RET: variants seen among roughly 807,000 people sequenced by gnomAD.
RET encodes proto-oncogene tyrosine-protein kinase receptor Ret.
RET carries 19 observed loss-of-function variants against 118.3 expected under a neutral mutation model. That is an observed-to-expected ratio of 0.16 (90% CI 0.11 to 0.24). The LOEUF is 0.24. Among genes scored for constraint, RET ranks in the 10% least tolerant of loss-of-function variants. The pLI, the probability that RET is intolerant of heterozygous loss-of-function variation, is 1.00. For missense variants in RET, 1,219 were observed against 1,502.1 expected, an observed-to-expected ratio of 0.81 and a Z score of 3.12; for synonymous variants, 597 against 644.1, an observed-to-expected ratio of 0.93 and a Z score of 1.11.
intron 1 of RET, among the ~76,000 whole-genome samples, chr10:43,085,534 G>A (rs749463249): frequency 4.6e-5 from 7 of 152,150 alleles, no homozygotes; most frequent in African/African-American, 9.7e-5. Context: ...TCTGCCCCTC[G>A]GCCCCTGGTC....
At chr10:43,103,024 A>G (rs541972416) in intron 3 of RET, among the ~76,000 whole-genome samples, 4 of 143,228 alleles carry the variant, frequency 2.8e-5, no homozygotes, top group Non-Finnish European at 4.6e-5. Flanking sequence ...GGTGGGGGCT[A>G]GCAGAGCAAA....
rs1295399603 is a variant in RET, at chr10:43,116,517, T to TGC, written c.2137-67_2137-66insGC. Reference sequence around the variant, plus strand: ...TGGGGCCTCCTTTAAGGGTCTTGCCTTCTTCCTCCCCTGTCATCCTCACAC... The same window carrying TGC: ...TGGGGCCTCCTTTAAGGGTCTTGCCTGCTCTTCCTCCCCTGTCATCCTCACAC... On this transcript the variant is annotated intron_variant, in intron 11 of 19. Transcript: ENST00000355710. The TGC allele has an allele frequency of 1.9e-6, 3 of 1,594,404 alleles. No homozygotes were observed. The African/African-American group carries it at 4.0e-5, about 21-fold the overall frequency.
chr10:43,100,123 C>T (rs1837604466), intron 1 of RET, among the ~76,000 whole-genome samples: 1 of 152,204 alleles, frequency 6.6e-6, no homozygotes, highest in African/African-American at 2.4e-5. Context: ...TTGCCTGCCC[C>T]ACATGGGTGG....
chr10:43,097,271 C>T (rs1051525021), intron 1 of RET, among the ~76,000 whole-genome samples: 31 of 152,192 alleles, frequency 2.0e-4, no homozygotes, highest in African/African-American at 6.8e-4. Flanking sequence ...ACTGGATCTG[C>T]TCCTGCGACA....
Position 43,130,078 on chromosome 10 carries a change from T to G in RET, c.*1809T>G, listed in dbSNP as rs1263047788. ...ACAGCTGACCCAGTGATGGGGAATT[T>G]ATCCTTGACCAATTTATCCTTGACC... On this transcript the variant is annotated 3_prime_UTR_variant, in exon 20 of 20. Transcript: ENST00000355710. 5.0e-6 allele frequency: 2 copies of G among 397,484 alleles called. No homozygotes were observed. The highest frequency in any genetic ancestry group is 8.9e-6 in the Non-Finnish European group (2 of 225,636). The allele number at this position is 397,484 out of a possible 1,614,324, so 24.6% of individuals were successfully genotyped here. A position where few individuals can be genotyped will look rare whatever the true frequency, so the allele number is the denominator to read the frequency against.
intron 12 of RET, 145 bp downstream of exon 12, chr10:43,116,876 C>T: frequency 1.1e-6 from 1 of 950,272 alleles, no homozygotes; most frequent in Admixed American, 2.5e-5. Flanking sequence ...TACCATGGGC[C>T]ACTTGGGCCT....
rs561948584 is a variant in RET, at chr10:43,123,071, CTGGTGTGCTCCG to C, written c.2802-591_2802-580del. Among the ~76,000 whole-genome samples the C allele has an allele frequency of 1.4e-4, 21 of 152,356 alleles. No homozygotes were observed. The South Asian group carries it at 4.1e-3, about 30-fold the overall frequency. On this transcript the variant is annotated intron_variant, in intron 16 of 19. Transcript: ENST00000355710. ...CCGCCCAGTGACCTCTGGCTGCCCTCTGGTGTGCTCCGTGGTGTGCACATGTATGCTTTTTAT... is the reference window on the plus strand; with the variant it reads ...CCGCCCAGTGACCTCTGGCTGCCCTCTGGTGTGCACATGTATGCTTTTTAT...
In RET at chr10:43,128,730, T is replaced by G; in HGVS notation, c.*461T>G. ...GCAGTAGGAAAAATGCTGGCCCTGA[T>G]GACCTGTCCTTATTCAGAATGAGAG... is the stretch of plus-strand genomic sequence containing the variant. On this transcript the variant is annotated 3_prime_UTR_variant, in exon 20 of 20. Transcript: ENST00000355710. 2.7e-6 allele frequency: 1 copy of G among 365,806 alleles called. No homozygotes were observed. The highest frequency in any genetic ancestry group is 5.1e-6 in the Non-Finnish European group (1 of 195,298). The allele number at this position is 365,806 out of a possible 1,614,324, so 22.7% of individuals were successfully genotyped here. A position where few individuals can be genotyped will look rare whatever the true frequency, so the allele number is the denominator to read the frequency against.
intron 1 of RET, among the ~76,000 whole-genome samples, chr10:43,091,940 C>A (rs1460993688): frequency 2.0e-5 from 3 of 151,972 alleles, no homozygotes; most frequent in South Asian, 2.1e-4. Context: ...GAAGGCTCCT[C>A]AAAGGTTAAA....
intron 1 of RET, among the ~76,000 whole-genome samples, chr10:43,090,415 ACAGAAGGCAGTTGAGACTGGGCCGCT>A (rs1363750038): frequency 2.0e-5 from 3 of 152,144 alleles, no homozygotes; most frequent in Non-Finnish European, 4.4e-5. Flanking sequence ...GGGCTCTGTG[ACAGAAGGCAGTTGAGACTGGGCCGCT>A]TCTGGGCGCT....
Position 43,114,803 on chromosome 10 carries a change from A to G in RET, c.2136+67A>G. The stretch of plus-strand genomic sequence containing the variant: ...CAGCTGCCTTCCAGGGAGGGAGGCC[A>G]GCTGGGGAGACAGAGGCCATCCTGT... On this transcript the variant is annotated intron_variant, in intron 11 of 19. Transcript: ENST00000355710. This position sits in a 1 kb window ranked among gnomAD's most constrained non-coding sequence, Gnocchi z 4.6. The G allele has an allele frequency of 6.6e-7, 1 of 1,510,560 alleles. No individual in the cohort carries two copies. Among genetic ancestry groups the G allele is most frequent in the Non-Finnish European group, 8.9e-7 (1 of 1,126,724 alleles). 93.6% of individuals were successfully genotyped at this position (1,510,560 alleles called of 1,614,324 possible).
intron 1 of RET, among the ~76,000 whole-genome samples, chr10:43,088,045 G>T (rs537419733): frequency 2.8e-4 from 42 of 149,562 alleles, no homozygotes; most frequent in South Asian, 1.3e-3. Flanking sequence ...GGTGGTTGTG[G>T]TGGTGGTGGT....
chr10:43,116,795 C>T lies in RET; in HGVS notation c.2284+64C>T. 9.0e-6 allele frequency: 14 copies of T among 1,563,380 alleles called. No homozygotes were observed. In the South Asian group the frequency reaches 1.6e-4, roughly 18 times the overall value. On this transcript the variant is annotated intron_variant, in intron 12 of 19. Transcript: ENST00000355710. ...CTCCGGGGCGGGGGGCGGGTGAGGCCCCTCCTGCCCAGCATGGGACCCTGA... is the reference window on the plus strand; with the variant it reads ...CTCCGGGGCGGGGGGCGGGTGAGGCTCCTCCTGCCCAGCATGGGACCCTGA...
At position 43,128,395 on chromosome 10, in the gene RET, C is replaced by T. The variant is rs574541792; in HGVS notation, c.*126C>T. On this transcript the variant is annotated 3_prime_UTR_variant, in exon 20 of 20. Transcript: ENST00000355710. ...GTGTTCAGTTCCCAGGTGGCAGACT[C>T]GTTTTTGGTAGTTTGTTTTAACTTC... is the stretch of plus-strand genomic sequence containing the variant. The T allele has an allele frequency of 7.9e-6, 9 of 1,134,926 alleles. No individual in the cohort carries two copies. Among genetic ancestry groups the T allele is most frequent in the East Asian group, 4.9e-5 (2 of 41,058 alleles). 70.3% of individuals were successfully genotyped at this position (1,134,926 alleles called of 1,614,324 possible).
intron 1 of RET, among the ~76,000 whole-genome samples, chr10:43,080,435 T>C (rs1864408): frequency 0.79 from 120,772 of 152,282 alleles, 48,950 homozygotes; most frequent in African/African-American, 0.95. Context: ...AGGGTCATGG[T>C]CTTGGCCCAT....
intron 1 of RET, among the ~76,000 whole-genome samples, chr10:43,084,297 C>T (rs999867586): frequency 1.3e-5 from 2 of 152,230 alleles, no homozygotes; most frequent in Non-Finnish European, 2.9e-5. Flanking sequence ...AACTGTTTTC[C>T]ACAGTGGTTG....
intron 1 of RET, among the ~76,000 whole-genome samples, chr10:43,093,126 G>C (rs7393733): frequency 0.37 from 56,263 of 152,058 alleles, 11,483 homozygotes; most frequent in African/African-American, 0.55. Context: ...GTAAGAGTGA[G>C]GAGGAAGTGA....
intron 17 of RET, 111 bp downstream of exon 17, chr10:43,123,919 TG>T (rs915198229): frequency 1.3e-6 from 2 of 1,514,980 alleles, no homozygotes; most frequent in African/African-American, 2.8e-5. Flanking sequence ...AAGTGGGGGG[TG>T]GGGAGTGGGC....
At chr10:43,111,987 CTT>C in intron 7 of RET, 110 bp from the exon 8 acceptor site, 1 of 1,470,920 alleles carries the variant, frequency 6.8e-7, no homozygotes, top group Non-Finnish European at 9.2e-7. Context: ...CTCCGGTCCC[CTT>C]GGGCTCCATC....
Sources: allele counts gnomAD v4.1 joint callset (sites outside exome capture counted in the v4.1 genomes callset), GRCh38; gene constraint gnomAD v4.1.1; non-coding constraint Gnocchi (gnomAD v3.1); transcripts MANE v1.5; gene names NCBI Gene and HGNC (gene_info 2026-07-23, HGNC 2026-07-21).